Variants in PITPNA observed in about 807,000 individuals in gnomAD.
PITPNA encodes phosphatidylinositol transfer protein alpha.
Under a neutral mutation model 50.3 loss-of-function variants are expected in PITPNA, and 13 were observed. That is an observed-to-expected ratio of 0.26 (90% confidence interval 0.17 to 0.41). PITPNA has a LOEUF of 0.41. PITPNA is among the 10% of genes least tolerant of loss of function. The pLI, the probability that PITPNA is intolerant of heterozygous loss-of-function variation, is 1.00. For missense variants in PITPNA, 207 were observed against 333.4 expected, an observed-to-expected ratio of 0.62 and a Z score of 2.95; for synonymous variants, 120 against 119.6, an observed-to-expected ratio of 1.00 and a Z score of -0.02.
Position 1,533,605 on chromosome 17 carries a change from G to A in PITPNA, c.768+494C>T, listed in dbSNP as rs1016037464. ...AAGGAACAGGGAACCCTCCTTCTGC[G>A]ATCCACGCCAAGACCAAAAAAAGAA... is the stretch of plus-strand genomic sequence containing the variant. On this transcript the variant is annotated intron_variant, in intron 10 of 11. Transcript: ENST00000313486. Among the ~76,000 whole-genome samples the A allele has an allele frequency of 1.1e-4, 17 of 152,248 alleles. 1 individual carries two copies. The highest frequency in any genetic ancestry group is 3.3e-4 in the Admixed American group (5 of 15,296).
intron 3 of PITPNA, among the ~76,000 whole-genome samples, chr17:1,551,287 TC>T (rs2075707821): frequency 6.6e-6 from 1 of 151,308 alleles, no homozygotes; most frequent in African/African-American, 2.4e-5. Context: ...TTCTTTTTTT[TC>T]TTTTTTTTTT....
intron 6 of PITPNA, among the ~76,000 whole-genome samples, chr17:1,540,534 A>G (rs1194908325): frequency 6.6e-6 from 1 of 151,620 alleles, no homozygotes; most frequent in Non-Finnish European, 1.5e-5. Context: ...CAAGGATGTC[A>G]CTATTTGGCT....
chr17:1,554,390 A>ATTT (rs61238602), intron 2 of PITPNA, among the ~76,000 whole-genome samples: 3 of 66,092 alleles, frequency 4.5e-5, no homozygotes, highest in Non-Finnish European at 5.8e-5. Flanking sequence ...GTGTTTCTCT[A>ATTT]TTTTTTTTTT....
intron 2 of PITPNA, among the ~76,000 whole-genome samples, chr17:1,557,555 G>A (rs2075741583): frequency 6.6e-6 from 1 of 152,230 alleles, no homozygotes. Flanking sequence ...TGCGCCAGGA[G>A]AGGAGAGTGG....
chr17:1,543,221 C>A (rs2075656721), intron 4 of PITPNA, among the ~76,000 whole-genome samples, 194 bp from the exon 5 acceptor site: 1 of 152,158 alleles, frequency 6.6e-6, no homozygotes, highest in African/African-American at 2.4e-5. Context: ...TTCACTCAGA[C>A]AAACATCCCA....
At chr17:1,560,841 G>A (rs1036652771) in intron 1 of PITPNA, among the ~76,000 whole-genome samples, 28 of 152,172 alleles carry the variant, frequency 1.8e-4, no homozygotes, top group African/African-American at 5.6e-4. Flanking sequence ...AGGGGATGAG[G>A]CCTCAAAATA....
intron 7 of PITPNA, among the ~76,000 whole-genome samples, chr17:1,536,646 T>C (rs1269445813): frequency 1.3e-5 from 2 of 151,996 alleles, no homozygotes; most frequent in African/African-American, 2.4e-5. Flanking sequence ...CAGGCTGGAG[T>C]GCAGTGGCAC....
intron 7 of PITPNA, among the ~76,000 whole-genome samples, chr17:1,537,918 A>C (rs1206627090): frequency 6.6e-6 from 1 of 151,994 alleles, no homozygotes; most frequent in East Asian, 1.9e-4. Context: ...CTCTTGCCTC[A>C]GCCTCCCAAG....
intron 1 of PITPNA, 74 bp from the exon 2 acceptor site, chr17:1,558,633 A>G (rs1453149867): frequency 1.9e-6 from 2 of 1,043,586 alleles, no homozygotes; most frequent in Admixed American, 1.9e-5. Context: ...GCATCATCCT[A>G]AAACAGTCAG....
In PITPNA at chr17:1,533,315, A is replaced by C. The variant is rs112375092; in HGVS notation, c.768+784T>G. 2.9e-3 allele frequency among the ~76,000 whole-genome samples: 447 copies of C among 152,280 alleles called. 6 individuals carry two copies. The highest frequency in any genetic ancestry group is 0.01 in the African/African-American group (417 of 41,556). On this transcript the variant is annotated intron_variant, in intron 10 of 11. Coordinates refer to ENST00000313486, the MANE Select transcript of PITPNA (RefSeq NM_006224.4). ...AGAGTCCTGGGCTCTTACTCTGACC[A>C]TATCACCTGCAAGACGGTGTGACCC...
intron 10 of PITPNA, among the ~76,000 whole-genome samples, chr17:1,526,190 G>A (rs1416424555): frequency 1.3e-5 from 2 of 152,244 alleles, no homozygotes; most frequent in Non-Finnish European, 2.9e-5. Context: ...GTGACATTCA[G>A]GCTTCAAGTA....
chr17:1,562,428 G>A lies in PITPNA; in HGVS notation c.20+113C>T. 3.9e-6 allele frequency: 3 copies of A among 771,280 alleles called. No individual in the cohort carries two copies. Among genetic ancestry groups the A allele is most frequent in the Non-Finnish European group, 5.3e-6 (3 of 561,102 alleles). 47.8% of individuals were successfully genotyped at this position (771,280 alleles called of 1,614,324 possible). A position where few individuals can be genotyped will look rare whatever the true frequency, so the allele number is the denominator to read the frequency against. The stretch of plus-strand genomic sequence containing the variant: ...GCTGGGCCCGCCTCAGGCACCCTCC[G>A]TCCCTGCTGCCCCTCCGTCCATCCG... On this transcript the variant is annotated intron_variant, in intron 1 of 11. Coordinates refer to ENST00000313486, the MANE Select transcript of PITPNA (RefSeq NM_006224.4). The surrounding 1 kb of genome is among the most constrained non-coding windows in gnomAD (Gnocchi z 6.4).
Position 1,562,285 on chromosome 17 carries a change from A to T in PITPNA, c.20+256T>A, listed in dbSNP as rs1369182613. On this transcript the variant is annotated intron_variant, in intron 1 of 11. Coordinates refer to ENST00000313486, the MANE Select transcript of PITPNA (RefSeq NM_006224.4). This position sits in a 1 kb window ranked among gnomAD's most constrained non-coding sequence, Gnocchi z 6.4. Reference sequence around the variant, plus strand: ...CCATGCCCCGTGGGCCCCGGCTCAGATGCCGAACGCCCCGGCTGCCCCTCC... The same window carrying T: ...CCATGCCCCGTGGGCCCCGGCTCAGTTGCCGAACGCCCCGGCTGCCCCTCC... Among the ~76,000 whole-genome samples the T allele has an allele frequency of 6.8e-6, 1 of 147,574 alleles. No individual in the cohort carries two copies.
In PITPNA at chr17:1,557,598, G is replaced by A. The variant is rs147715378; in HGVS notation, c.51+931C>T. The stretch of plus-strand genomic sequence containing the variant: ...TCAGAGAAAGAGTGAGACAAGGGAG[G>A]TTCCGTGACAGTTTTCCGTTGTCCA... On this transcript the variant is annotated intron_variant, in intron 2 of 11. Coordinates refer to ENST00000313486, the MANE Select transcript of PITPNA (RefSeq NM_006224.4). Among the ~76,000 whole-genome samples the A allele has an allele frequency of 3.1e-3, 477 of 152,292 alleles. 2 individuals are homozygous for A. The Middle Eastern group carries it at 0.058, about 18-fold the overall frequency.
chr17:1,534,833 G>A (rs971473072), intron 9 of PITPNA, among the ~76,000 whole-genome samples: 6 of 152,220 alleles, frequency 3.9e-5, no homozygotes, highest in African/African-American at 1.2e-4. Context: ...TCCCTGGAAG[G>A]ACAGCATTAA....
In PITPNA at chr17:1,562,511, C is replaced by G; in HGVS notation, c.20+30G>C. ...GCGGCCGTCCCCACCCTCCCTCCTC[C>G]CCGCTTCCGCACGGCCGCCGGACAC... On this transcript the variant is annotated intron_variant, in intron 1 of 11. Transcript: ENST00000313486. The surrounding 1 kb of genome is among the most constrained non-coding windows in gnomAD (Gnocchi z 6.4). 1 of 1,429,068 alleles carries G rather than the reference C, an allele frequency of 7.0e-7. No homozygotes were observed. Among genetic ancestry groups the G allele is most frequent in the Non-Finnish European group, 9.2e-7 (1 of 1,085,148 alleles). 88.5% of individuals were successfully genotyped at this position (1,429,068 alleles called of 1,614,324 possible).
At chr17:1,552,619 G>C (rs757893868) in intron 3 of PITPNA, among the ~76,000 whole-genome samples, 1 of 148,272 alleles carries the variant, frequency 6.7e-6, no homozygotes, top group Non-Finnish European at 1.5e-5. Context: ...GCATATACAA[G>C]TACATCAGAA....
At chr17:1,533,530 C>T (rs2075596660) in intron 10 of PITPNA, among the ~76,000 whole-genome samples, 1 of 152,176 alleles carries the variant, frequency 6.6e-6, no homozygotes, top group African/African-American at 2.4e-5. Flanking sequence ...CTCAAGGAAG[C>T]ATCAGCATCT....
In PITPNA at chr17:1,541,575, C is replaced by A; in HGVS notation, c.363G>T (p.Thr121=). 3 of 1,611,942 alleles carry A rather than the reference C, an allele frequency of 1.9e-6. No individual in the cohort carries two copies. Among genetic ancestry groups the A allele is most frequent in the Non-Finnish European group, 1.7e-6 (2 of 1,178,136 alleles). ...IETWHKPDLG[T]QENVHKLEPE... is the part of the protein sequence containing the mutation. ...GGGAACTACTACTCACATTCTCCTG[C>A]GTGCCAAGATCTGGTTTGTGCCAGG... Residue 121 remains threonine (T), a synonymous_variant, in exon 6 of 12, where the codon ACG becomes ACT. Transcript: ENST00000313486.
Sources: gnomAD v4.1 joint callset for allele counts (sites outside exome capture counted in the v4.1 genomes callset) on GRCh38, gnomAD v4.1.1 for gene constraint, Gnocchi (gnomAD v3.1) non-coding constraint, MANE v1.5 for transcripts, NCBI Gene and HGNC (gene_info 2026-07-23, HGNC 2026-07-21) for gene names.